The following CACNA1E variants were observed in gnomAD, a reference collection of about 807,000 sequenced individuals.
CACNA1E encodes the protein voltage-dependent R-type calcium channel subunit alpha-1E.
In CACNA1E, 40 loss-of-function variants were observed where a neutral mutation model predicts 259.2. The observed-to-expected ratio is 0.15, with a 90% CI of 0.12 to 0.20. The LOEUF (loss-of-function observed/expected upper bound fraction) is 0.20. CACNA1E is among the 10% of genes least tolerant of loss of function. The pLI, the probability that CACNA1E is intolerant of heterozygous loss-of-function variation, is 1.00. For missense variants in CACNA1E, 1,874 were observed against 3,040.1 expected (o/e 0.62, Z 9.02); for synonymous variants, 1,104 against 1,138.5 (o/e 0.97, Z 0.61).
At chr1:181,591,678 AG>A (rs1388279058) in intron 6 of CACNA1E, among the ~76,000 whole-genome samples, 3 of 152,196 alleles carry the variant, frequency 2.0e-5, no homozygotes, top group Non-Finnish European at 4.4e-5. Flanking sequence ...CTGATGCCAA[AG>A]GTACTATAAC....
chr1:181,467,314 GAA>G lies in CACNA1E; in HGVS notation c.435-16427_435-16426del, dbSNP rs1479808677. On this transcript the variant is annotated intron_variant, in intron 2 of 11. Coordinates refer to the CACNA1E transcript ENST00000524607. Reference sequence around the variant, plus strand: ...GTAGCTTTATAAATAAGAAGGGAAAGAAAACAGAATGAAAAGCAGGGGATGAG... The same window carrying G: ...GTAGCTTTATAAATAAGAAGGGAAAGAACAGAATGAAAAGCAGGGGATGAG... 2.6e-5 allele frequency among the ~76,000 whole-genome samples: 4 copies of G among 152,186 alleles called. No individual in the cohort carries two copies. The East Asian group carries it at 7.7e-4, about 29-fold the overall frequency.
chr1:181,756,951 C>G lies in CACNA1E; in HGVS notation c.4154C>G (p.Thr1385Arg). 1 of 1,613,544 alleles carries G rather than the reference C, an allele frequency of 6.2e-7. No individual in the cohort carries two copies. The highest frequency in any genetic ancestry group is 8.5e-7 in the Non-Finnish European group (1 of 1,179,446). Residue 1385 changes from threonine to arginine, a missense_variant, in exon 30 of 48, where the codon ACA (threonine) becomes AGA (arginine). Transcript: ENST00000367573. Reference sequence around the variant, plus strand: ...GTTCTGCAGCACTCTGTAGATGTGACAGAGGAAGACCGAGGCCCAAGCCGC... The same window carrying G: ...GTTCTGCAGCACTCTGTAGATGTGAGAGAGGAAGACCGAGGCCCAAGCCGC... ...PQVLQHSVDV[T>R]EEDRGPSRSN...
chr1:181,657,734 C>T (rs1054672299), intron 7 of CACNA1E, among the ~76,000 whole-genome samples: 4 of 152,160 alleles, frequency 2.6e-5, no homozygotes, highest in Non-Finnish European at 4.4e-5. Context: ...AATCCAACGA[C>T]GTGGTACTAA....
At chr1:181,735,100 G>A (rs1012481396) in intron 21 of CACNA1E, among the ~76,000 whole-genome samples, 7 of 151,832 alleles carry the variant, frequency 4.6e-5, no homozygotes, top group Non-Finnish European at 8.8e-5. Flanking sequence ...CTCCATTTCC[G>A]CATCTTCTCT....
intron 25 of CACNA1E, among the ~76,000 whole-genome samples, chr1:181,747,813 C>G (rs564130260): frequency 6.6e-6 from 1 of 152,270 alleles, no homozygotes; most frequent in East Asian, 1.9e-4. Flanking sequence ...TCCTTGCAAT[C>G]TTGTTGGCTT....
intron 2 of CACNA1E, among the ~76,000 whole-genome samples, chr1:181,476,654 C>T (rs1484960085): frequency 2.0e-5 from 3 of 152,204 alleles, no homozygotes; most frequent in Non-Finnish European, 4.4e-5. Flanking sequence ...GTGCTCACTG[C>T]ATGTCTGCTA....
chr1:181,626,289 CAA>C (rs1405636304), intron 6 of CACNA1E, among the ~76,000 whole-genome samples: 1 of 152,102 alleles, frequency 6.6e-6, no homozygotes, highest in Non-Finnish European at 1.5e-5. Context: ...GTAAAAAATG[CAA>C]CATTTGTGAA....
At chr1:181,499,770 AG>A (rs1326760420) in intron 1 of CACNA1E, among the ~76,000 whole-genome samples, 1 of 152,196 alleles carries the variant, frequency 6.6e-6, no homozygotes, top group African/African-American at 2.4e-5. Flanking sequence ...AATTTTGAAA[AG>A]CTTTCCAGGT....
intron 7 of CACNA1E, among the ~76,000 whole-genome samples, chr1:181,676,373 A>C (rs375730764): frequency 6.6e-6 from 1 of 152,164 alleles, no homozygotes; most frequent in South Asian, 2.1e-4. Context: ...GTTGCACTAC[A>C]TATGTTTCCA....
chr1:181,374,984 A>G (rs368749496), intron 1 of CACNA1E, among the ~76,000 whole-genome samples: 2 of 152,174 alleles, frequency 1.3e-5, no homozygotes, highest in African/African-American at 4.8e-5. Flanking sequence ...AAGGATTAGG[A>G]TTAGTAGGGT....
chr1:181,603,816 G>C (rs549743734), intron 6 of CACNA1E, among the ~76,000 whole-genome samples: 1 of 152,042 alleles, frequency 6.6e-6, no homozygotes, highest in Admixed American at 6.5e-5. Context: ...TCCTGTTCTC[G>C]CCTCCGCCTG....
At chr1:181,708,792 T>G (rs1653050187) in intron 7 of CACNA1E, among the ~76,000 whole-genome samples, 1 of 152,222 alleles carries the variant, frequency 6.6e-6, no homozygotes, top group Non-Finnish European at 1.5e-5. Flanking sequence ...TCAGAATGGT[T>G]GTAAAGATTA....
At position 181,770,456 on chromosome 1, in the gene CACNA1E, G is replaced by GTGAT. The variant is rs150763314; in HGVS notation, c.4882-835_4882-832dup. On this transcript the variant is annotated intron_variant, in intron 35 of 47. Transcript: ENST00000367573. ...GTGTTCCCTCTTTTGAATGTTCACA[G>GTGAT]TGATTACATTCTAAGCTCAGTAGCC... Among the ~76,000 whole-genome samples the GTGAT allele has an allele frequency of 2.5e-3, 375 of 152,276 alleles. 6 individuals are homozygous for GTGAT. Among genetic ancestry groups the GTGAT allele is most frequent in the East Asian group, 0.022 (115 of 5,180 alleles).
chr1:181,494,022 C>T (rs908187719), intron 1 of CACNA1E, among the ~76,000 whole-genome samples: 3 of 152,242 alleles, frequency 2.0e-5, no homozygotes, highest in Non-Finnish European at 4.4e-5. Context: ...TGCCTTTGCA[C>T]TTGCTGCTTT....
intron 7 of CACNA1E, among the ~76,000 whole-genome samples, chr1:181,704,855 C>G (rs1013540296): frequency 6.6e-6 from 1 of 152,056 alleles, no homozygotes; most frequent in African/African-American, 2.4e-5. Flanking sequence ...GTCCTCCAAC[C>G]GAGGCTTTCT....
At chr1:181,619,774 C>A (rs1655561285) in intron 6 of CACNA1E, among the ~76,000 whole-genome samples, 1 of 151,916 alleles carries the variant, frequency 6.6e-6, no homozygotes, top group African/African-American at 2.4e-5. Flanking sequence ...ATATGCGAGA[C>A]AAAGGGGGAG....
At chr1:181,532,507 G>T (rs541656654) in intron 3 of CACNA1E, among the ~76,000 whole-genome samples, 1 of 152,230 alleles carries the variant, frequency 6.6e-6, no homozygotes, top group Non-Finnish European at 1.5e-5. Context: ...ACCTCCAGGG[G>T]CAGAGCACGT....
chr1:181,766,277 G>A (rs2102738292), intron 34 of CACNA1E, among the ~76,000 whole-genome samples: 1 of 152,324 alleles, frequency 6.6e-6, no homozygotes, highest in Non-Finnish European at 1.5e-5. Context: ...TTTCCTTCTA[G>A]ATATGGGCTA....
At chr1:181,433,531 C>T (rs964903220) in intron 2 of CACNA1E, among the ~76,000 whole-genome samples, 1 of 152,076 alleles carries the variant, frequency 6.6e-6, no homozygotes, top group Non-Finnish European at 1.5e-5. Context: ...AAAAGACGTG[C>T]TCATTGTGAA....
Sources: allele counts gnomAD v4.1 joint callset (sites outside exome capture counted in the v4.1 genomes callset), GRCh38; gene constraint gnomAD v4.1.1; transcripts MANE v1.5; gene names NCBI Gene and HGNC (gene_info 2026-07-23, HGNC 2026-07-21).